NTPCR: variants seen among roughly 807,000 people sequenced by gnomAD.
NTPCR encodes cancer-related nucleoside-triphosphatase.
In NTPCR, 15 loss-of-function variants were observed where a neutral mutation model predicts 19.5. That is an observed-to-expected ratio of 0.77 (90% CI 0.51 to 1.18). The LOEUF (loss-of-function observed/expected upper bound fraction) is 1.18. Ranked by LOEUF, NTPCR falls within the 50% of genes most tolerant of loss-of-function variation. NTPCR has a pLI of 0.00. For synonymous variants in NTPCR, 90 were observed against 95.8 expected (o/e 0.94, Z 0.36); for missense variants, 206 against 240.4 (o/e 0.86, Z 0.95).
intron 4 of NTPCR, chr1:232,976,457 G>A (rs1356335181): frequency 6.4e-7 from 1 of 1,550,498 alleles, no homozygotes; most frequent in Non-Finnish European, 8.7e-7. Flanking sequence ...AACTCAGAGT[G>A]GAAGAAAAGG....
At chr1:232,969,733 G>A in intron 3 of NTPCR, 176 bp from the exon 4 acceptor site, 1 of 559,920 alleles carries the variant, frequency 1.8e-6, no homozygotes, top group Non-Finnish European at 3.2e-6. Context: ...TCACCCTTGT[G>A]CAGTCCCCTC....
Position 232,978,254 on chromosome 1 carries a change from C to A in NTPCR, c.*23C>A. 1 of 1,606,480 alleles carries A rather than the reference C, an allele frequency of 6.2e-7. No individual in the cohort carries two copies. Among genetic ancestry groups the A allele is most frequent in the Non-Finnish European group, 8.5e-7 (1 of 1,173,498 alleles). ...TGAAGACACGTGCATTCCTGCCTTCCGTGAAGGAGTGCCCAGTTCAAGAGG... is the reference window on the plus strand; with the variant it reads ...TGAAGACACGTGCATTCCTGCCTTCAGTGAAGGAGTGCCCAGTTCAAGAGG... On this transcript the variant is annotated 3_prime_UTR_variant, in exon 5 of 5. Transcript: ENST00000366628.
intron 4 of NTPCR, among the ~76,000 whole-genome samples, chr1:232,970,686 T>A (rs1379820410): frequency 1.3e-5 from 2 of 152,232 alleles, no homozygotes; most frequent in African/African-American, 4.8e-5. Flanking sequence ...TTATGTTTAA[T>A]AAATTTAATC....
chr1:232,978,296 G>A lies in NTPCR; in HGVS notation c.*65G>A. 7.3e-7 allele frequency: 1 copy of A among 1,374,794 alleles called. No homozygotes were observed. Among genetic ancestry groups the A allele is most frequent in the Non-Finnish European group, 1.0e-6 (1 of 967,920 alleles). 85.2% of individuals were successfully genotyped at this position (1,374,794 alleles called of 1,614,324 possible). A position where few individuals can be genotyped will look rare whatever the true frequency, so the allele number is the denominator to read the frequency against. ...TTCAAGAGGAGCCTGATGGAGCCCT[G>A]CCTGTCGAGGCTGTATGCCTATGGG... On this transcript the variant is annotated 3_prime_UTR_variant, in exon 5 of 5. Transcript: ENST00000366628.
chr1:232,951,372 C>T (rs942441372), intron 1 of NTPCR, among the ~76,000 whole-genome samples: 5 of 152,142 alleles, frequency 3.3e-5, no homozygotes, highest in African/African-American at 1.2e-4. Context: ...TCGCTGTCCC[C>T]TCCTGATGTC....
At chr1:232,969,820 C>T in intron 3 of NTPCR, 89 bp from the exon 4 acceptor site, 1 of 1,072,916 alleles carries the variant, frequency 9.3e-7, no homozygotes, top group South Asian at 1.3e-5. Flanking sequence ...TCTTTTTTAC[C>T]TCATTGGTGA....
In NTPCR at chr1:232,980,105, A is replaced by G. The variant is rs1669245457; in HGVS notation, c.*1874A>G. 1 of 152,262 alleles carries G rather than the reference A, an allele frequency of 6.6e-6. No homozygotes were observed. The highest frequency in any genetic ancestry group is 2.1e-4 in the South Asian group (1 of 4,834). The allele number at this position is 152,262 out of a possible 1,614,324, so 9.4% of individuals were successfully genotyped here. A position where few individuals can be genotyped will look rare whatever the true frequency, so the allele number is the denominator to read the frequency against. On this transcript the variant is annotated 3_prime_UTR_variant, in exon 5 of 5. Coordinates refer to ENST00000366628, the MANE Select transcript of NTPCR (RefSeq NM_032324.3). ...TTTGTAGACTTTGATTTTGTCTTAA[A>G]TGAGAAAGAAAGCTGGTGAAGGTTA... is the stretch of plus-strand genomic sequence containing the variant.
chr1:232,952,063 C>T (rs535765210), intron 1 of NTPCR, among the ~76,000 whole-genome samples: 1 of 152,160 alleles, frequency 6.6e-6, no homozygotes, highest in Non-Finnish European at 1.5e-5. Context: ...TCTCTTAAAC[C>T]TGTCCTCAAA....
intron 4 of NTPCR, chr1:232,977,609 G>C (rs1028885451): frequency 6.6e-6 from 1 of 152,500 alleles, no homozygotes; most frequent in Non-Finnish European, 1.5e-5. Flanking sequence ...CAGGAGGCCT[G>C]AGTAACAGTC....
At chr1:232,963,919 T>C (rs1188011874) in intron 3 of NTPCR, 2 of 151,938 alleles carry the variant, frequency 1.3e-5, no homozygotes, top group African/African-American at 4.8e-5. Flanking sequence ...TATTTGAGAA[T>C]ACGTTGCAAT....
Position 232,978,201 on chromosome 1 carries a change from C to T in NTPCR, c.543C>T (p.Ile181=), listed in dbSNP as rs751676320. 21 of 1,614,042 alleles carry T rather than the reference C, an allele frequency of 1.3e-5. No individual in the cohort carries two copies. Among genetic ancestry groups the T allele is most frequent in the African/African-American group, 4.0e-5 (3 of 74,948 alleles). Residue 181 remains isoleucine (I), a synonymous_variant, in exon 5 of 5, where the codon ATC becomes ATT. Coordinates refer to ENST00000366628, the MANE Select transcript of NTPCR (RefSeq NM_032324.3). The stretch of plus-strand genomic sequence containing the variant: ...ACAGAAACCACCTTCTGCCAGATAT[C>T]GTGACGTGCGTGCAGAGCAGCAGGA... ...KENRNHLLPD[I]VTCVQSSRK
At chr1:232,955,892 G>A (rs1668499300) in intron 2 of NTPCR, among the ~76,000 whole-genome samples, 173 bp downstream of exon 2, 1 of 152,174 alleles carries the variant, frequency 6.6e-6, no homozygotes, top group South Asian at 2.1e-4. Flanking sequence ...ACAGGGTTGA[G>A]CCAAATGTTG....
intron 3 of NTPCR, among the ~76,000 whole-genome samples, chr1:232,956,879 A>G (rs1444183514): frequency 6.6e-6 from 1 of 152,238 alleles, no homozygotes; most frequent in East Asian, 1.9e-4. Context: ...TAAAAAAGAA[A>G]AAAACTTTAT....
At chr1:232,955,530 C>CTTTTTTTTTTTTTTTTTTTTTTTT in intron 1 of NTPCR, 27 bp from the exon 2 acceptor site, 3 of 1,351,108 alleles carry the variant, frequency 2.2e-6, no homozygotes, top group African/African-American at 1.6e-5. Context: ...GGCTTTTCTT[C>CTTTTTTTTTTTTTTTTTTTTTTTT]TTTTTTTTTT....
At chr1:232,961,715 C>T (rs1000382346) in intron 3 of NTPCR, among the ~76,000 whole-genome samples, 2 of 152,090 alleles carry the variant, frequency 1.3e-5, no homozygotes, top group Non-Finnish European at 2.9e-5. Flanking sequence ...TCTTCTTCTG[C>T]ATGCTTTTTT....
intron 3 of NTPCR, chr1:232,966,558 A>G (rs561891366): frequency 2.0e-5 from 3 of 152,334 alleles, no homozygotes; most frequent in East Asian, 1.9e-4. Context: ...AAATCACACT[A>G]TTTTCAGGTC....
intron 3 of NTPCR, among the ~76,000 whole-genome samples, chr1:232,957,935 G>A (rs935439882): frequency 6.6e-6 from 1 of 152,148 alleles, no homozygotes; most frequent in Non-Finnish European, 1.5e-5. Flanking sequence ...GAGAGAGTTA[G>A]TATTGGGGTA....
chr1:232,954,801 C>G (rs765156076), intron 1 of NTPCR, among the ~76,000 whole-genome samples: 4 of 152,128 alleles, frequency 2.6e-5, no homozygotes, highest in Non-Finnish European at 5.9e-5. Context: ...TGCTTACAAA[C>G]CAGTGAGTTC....
intron 3 of NTPCR, among the ~76,000 whole-genome samples, chr1:232,958,374 A>AT (rs1236656782): frequency 6.6e-6 from 1 of 151,960 alleles, no homozygotes; most frequent in Non-Finnish European, 1.5e-5. Flanking sequence ...GGCACTTGCC[A>AT]TTTTTTTTGG....
Sources: gnomAD v4.1 joint callset for allele counts (sites outside exome capture counted in the v4.1 genomes callset) on GRCh38, gnomAD v4.1.1 for gene constraint, MANE v1.5 for transcripts, NCBI Gene and HGNC (gene_info 2026-07-23, HGNC 2026-07-21) for gene names.